BCAS3: variants seen among roughly 807,000 people sequenced by gnomAD.
BCAS3 encodes BCAS4/BCAS3 fusion.
In BCAS3, 53 loss-of-function variants were observed where a neutral mutation model predicts 116.1. The ratio of observed to expected loss-of-function variants is 0.46; its 90% CI spans 0.37 to 0.57. The LOEUF is 0.57. BCAS3 is among the 20% of genes least tolerant of loss of function. The pLI is 0.00. For synonymous variants in BCAS3, 391 were observed against 408.2 expected, an observed-to-expected ratio of 0.96 and a Z score of 0.51; for missense variants, 917 against 1,165.4, an observed-to-expected ratio of 0.79 and a Z score of 3.10.
intron 23 of BCAS3, among the ~76,000 whole-genome samples, chr17:61,373,697 G>C: frequency 7.0e-6 from 1 of 143,698 alleles, no homozygotes; most frequent in African/African-American, 2.6e-5. Flanking sequence ...ATCCCAAAGT[G>C]CTGGGATTAC....
intron 22 of BCAS3, among the ~76,000 whole-genome samples, chr17:61,187,509 GAC>G (rs1442794674): frequency 6.6e-6 from 1 of 152,196 alleles, no homozygotes; most frequent in East Asian, 1.9e-4. Context: ...AGCTGAGAAT[GAC>G]AGTTTTACCC....
At chr17:61,001,373 C>T (rs2859983) in intron 15 of BCAS3, among the ~76,000 whole-genome samples, 21,633 of 152,128 alleles carry the variant, frequency 0.14, 4,824 homozygotes, top group African/African-American at 0.48. Context: ...TTTTAACTTA[C>T]GTTGATCAGT....
chr17:61,262,189 G>A (rs1030764030), intron 22 of BCAS3, among the ~76,000 whole-genome samples: 15 of 151,702 alleles, frequency 9.9e-5, no homozygotes. Flanking sequence ...ATTTGAGGAT[G>A]TTCTTTCATG....
intron 17 of BCAS3, among the ~76,000 whole-genome samples, chr17:61,035,072 A>T (rs1289381234): frequency 6.6e-6 from 1 of 152,150 alleles, no homozygotes; most frequent in Admixed American, 6.5e-5. Context: ...CCCATTTTAT[A>T]CCTTTTACAT....
At chr17:60,694,830 A>G (rs2035367502) in intron 4 of BCAS3, among the ~76,000 whole-genome samples, 1 of 152,096 alleles carries the variant, frequency 6.6e-6, no homozygotes, top group South Asian at 2.1e-4. Flanking sequence ...TCGTACAACC[A>G]GTCTTCAGAA....
chr17:60,918,170 G>T (rs550932190), intron 12 of BCAS3, among the ~76,000 whole-genome samples: 1 of 152,124 alleles, frequency 6.6e-6, no homozygotes, highest in South Asian at 2.1e-4. Flanking sequence ...AAAAATAATG[G>T]CCATCCTAAT....
intron 22 of BCAS3, among the ~76,000 whole-genome samples, chr17:61,321,660 CTTTATCA>C (rs763578771): frequency 9.9e-5 from 15 of 152,148 alleles, no homozygotes; most frequent in Non-Finnish European, 1.9e-4. Flanking sequence ...GGCATTTGGT[CTTTATCA>C]TCAGGGATTC....
rs114512686 is a variant in BCAS3, at chr17:61,281,002, G to A, written c.2426-87325G>A. 5.2e-3 allele frequency among the ~76,000 whole-genome samples: 799 copies of A among 152,310 alleles called. 5 individuals are homozygous for A. The highest frequency in any genetic ancestry group is 0.018 in the African/African-American group (766 of 41,564). ...TCAGGCACAAAATGGTATAAAAAGAGACCTACTCTTATCTCCCAATCCTTG... is the reference window on the plus strand; with the variant it reads ...TCAGGCACAAAATGGTATAAAAAGAAACCTACTCTTATCTCCCAATCCTTG... On this transcript the variant is annotated intron_variant, in intron 22 of 23. Transcript: ENST00000407086. The surrounding 1 kb of genome is among the most constrained non-coding windows in gnomAD (Gnocchi z 4.2).
chr17:60,867,383 G>C (rs1489848652), intron 7 of BCAS3, among the ~76,000 whole-genome samples: 1 of 152,062 alleles, frequency 6.6e-6, no homozygotes, highest in East Asian at 1.9e-4. Flanking sequence ...TGGGGTTACA[G>C]ACGTGAGCCA....
intron 22 of BCAS3, among the ~76,000 whole-genome samples, chr17:61,340,975 G>C (rs2057108125): frequency 6.6e-6 from 1 of 152,214 alleles, no homozygotes; most frequent in Non-Finnish European, 1.5e-5. Context: ...GGCAGTGAGT[G>C]GCAGAGGGGA....
intron 22 of BCAS3, among the ~76,000 whole-genome samples, chr17:61,143,715 AG>A (rs2077047066): frequency 6.6e-6 from 1 of 152,212 alleles, no homozygotes; most frequent in African/African-American, 2.4e-5. Context: ...AGGCTGAGGC[AG>A]GAGAATCACT....
Position 61,179,285 on chromosome 17 carries a change from T to TC in BCAS3, c.2425+94721_2425+94722insC, listed in dbSNP as rs563755017. 7.8e-3 allele frequency among the ~76,000 whole-genome samples: 1,186 copies of TC among 151,668 alleles called. 6 individuals are homozygous for TC. The highest frequency in any genetic ancestry group is 0.012 in the Non-Finnish European group (800 of 67,888). ...TCAAAGAAAAAGCCTTTTTTTTTTTTTTTTTAATCTACAATACAGTACCTT... is the reference window on the plus strand; with the variant it reads ...TCAAAGAAAAAGCCTTTTTTTTTTTTCTTTTTAATCTACAATACAGTACCTT... On this transcript the variant is annotated intron_variant, in intron 22 of 23. Coordinates refer to ENST00000407086, the MANE Select transcript of BCAS3 (RefSeq NM_017679.5).
intron 7 of BCAS3, among the ~76,000 whole-genome samples, chr17:60,856,589 G>A (rs978558754): frequency 6.6e-6 from 1 of 152,090 alleles, no homozygotes; most frequent in Non-Finnish European, 1.5e-5. Context: ...TACACAGGAG[G>A]TTGAGGCATG....
chr17:61,207,586 A>G (rs746224973), intron 22 of BCAS3, among the ~76,000 whole-genome samples: 33 of 151,938 alleles, frequency 2.2e-4, no homozygotes, highest in Admixed American at 6.6e-4. Flanking sequence ...TGGCTTCCCT[A>G]TGGATGTTGT....
chr17:61,111,566 C>A (rs1398103151), intron 22 of BCAS3, among the ~76,000 whole-genome samples: 1 of 150,668 alleles, frequency 6.6e-6, no homozygotes. Context: ...AGCAAAGCCT[C>A]CAAGAAATAT....
At chr17:61,038,114 G>A in intron 18 of BCAS3, 60 bp downstream of exon 18, 1 of 1,480,110 alleles carries the variant, frequency 6.8e-7, no homozygotes, top group Non-Finnish European at 9.2e-7. Context: ...AAGATTAAAA[G>A]CGTATAATTT....
chr17:61,154,651 C>G (rs1485426160), intron 22 of BCAS3, among the ~76,000 whole-genome samples: 1 of 151,984 alleles, frequency 6.6e-6, no homozygotes. Context: ...CTACATTGCC[C>G]AGGCTGGTCT....
rs2059351844 is a variant in BCAS3, at chr17:61,376,573, A to AT, written c.2593+8085dup. 1.3e-5 allele frequency among the ~76,000 whole-genome samples: 2 copies of AT among 151,850 alleles called. No homozygotes were observed. Among genetic ancestry groups the AT allele is most frequent in the African/African-American group, 4.8e-5 (2 of 41,302 alleles). ...CCATGAGACCCAGTCTTGTCTTTTA[A>AT]TTTTTTCCTCCAAGCCTTACCTCTC... On this transcript the variant is annotated intron_variant, in intron 23 of 23. Transcript: ENST00000407086. This position sits in a 1 kb window ranked among gnomAD's most constrained non-coding sequence, Gnocchi z 4.5.
intron 22 of BCAS3, among the ~76,000 whole-genome samples, chr17:61,231,728 A>G (rs1395816045): frequency 1.3e-5 from 2 of 152,008 alleles, no homozygotes; most frequent in East Asian, 1.9e-4. Context: ...TAATTTTACC[A>G]TTAGCCAGGT....
Sources: gnomAD v4.1 joint callset for allele counts (sites outside exome capture counted in the v4.1 genomes callset) on GRCh38, gnomAD v4.1.1 for gene constraint, Gnocchi (gnomAD v3.1) non-coding constraint, MANE v1.5 for transcripts, NCBI Gene and HGNC (gene_info 2026-07-23, HGNC 2026-07-21) for gene names.